The following SERPINE3 variants were observed in gnomAD, a reference collection of about 807,000 sequenced individuals.
SERPINE3 encodes the protein serpin family E member 3, also known as serpin E3.
Under a neutral mutation model 41.7 loss-of-function variants are expected in SERPINE3, and 43 were observed. The ratio of observed to expected loss-of-function variants is 1.03; its 90% CI spans 0.81 to 1.33. The LOEUF (loss-of-function observed/expected upper bound fraction) is 1.33, where lower values mean the gene tolerates loss of function less well. Among genes scored for constraint, SERPINE3 ranks in the 40% most tolerant of loss-of-function variants. The probability of loss-of-function intolerance (pLI) is 0.00; values close to 1 mark genes in which losing one functional copy is unlikely to be tolerated. For synonymous variants in SERPINE3, 200 were observed against 192.2 expected, an observed-to-expected ratio of 1.04 and a Z score of -0.34; for missense variants, 440 against 491.7, an observed-to-expected ratio of 0.89 and a Z score of 0.99.
In SERPINE3 at chr13:51,361,413, C is replaced by T. The variant is rs1473107417; in HGVS notation, c.1087+49C>T. On this transcript the variant is annotated intron_variant, in intron 8 of 9. Coordinates refer to ENST00000681248, the MANE Select transcript of SERPINE3 (RefSeq NM_001386375.1). ...ACACTGCTTACCCATATCTACCTTT[C>T]TGAAATTTACCTAGTTGAATCTTCA... 2.6e-6 allele frequency: 3 copies of T among 1,140,904 alleles called. No individual in the cohort carries two copies. The African/African-American group carries it at 4.6e-5, about 17-fold the overall frequency. 70.7% of individuals were successfully genotyped at this position (1,140,904 alleles called of 1,614,324 possible). A position where few individuals can be genotyped will look rare whatever the true frequency, so the allele number is the denominator to read the frequency against.
chr13:51,361,687 G>T, intron 8 of SERPINE3, 123 bp from the exon 9 acceptor site: 1 of 863,352 alleles, frequency 1.2e-6, no homozygotes, highest in Middle Eastern at 3.5e-4. Flanking sequence ...CATCACAACA[G>T]TAAACAATCA....
intron 7 of SERPINE3, among the ~76,000 whole-genome samples, chr13:51,356,888 T>C (rs1040616669): frequency 1.3e-4 from 20 of 152,142 alleles, no homozygotes; most frequent in African/African-American, 4.1e-4. Context: ...GCAATTATCA[T>C]GTGCCAAGTA....
Position 51,340,783 on chromosome 13 carries a change from G to A in SERPINE3, c.-95-1G>A. On this transcript the variant is annotated splice_acceptor_variant, in intron 1 of 9. Coordinates refer to ENST00000681248, the MANE Select transcript of SERPINE3 (RefSeq NM_001386375.1). LOFTEE classifies it low-confidence loss of function (5UTR_SPLICE). ...TAATGCTTTGCTTCTGATCTGACCAGGGCTTTGCTAAAGTCACACATCCAG... is the reference window on the plus strand; with the variant it reads ...TAATGCTTTGCTTCTGATCTGACCAAGGCTTTGCTAAAGTCACACATCCAG... The A allele has an allele frequency of 2.1e-6, 1 of 475,676 alleles. No homozygotes were observed. Among genetic ancestry groups the A allele is most frequent in the Non-Finnish European group, 3.8e-6 (1 of 261,998 alleles). The allele number at this position is 475,676 out of a possible 1,614,324, so 29.5% of individuals were successfully genotyped here. A position where few individuals can be genotyped will look rare whatever the true frequency, so the allele number is the denominator to read the frequency against.
chr13:51,363,339 T>C (rs1400108398), intron 9 of SERPINE3: 2 of 151,924 alleles, frequency 1.3e-5, no homozygotes, highest in African/African-American at 2.4e-5. Context: ...TGACTTTACC[T>C]CTATCTGGGA....
At chr13:51,355,632 C>T (rs886619092) in intron 7 of SERPINE3, among the ~76,000 whole-genome samples, 1 of 152,194 alleles carries the variant, frequency 6.6e-6, no homozygotes, top group Non-Finnish European at 1.5e-5. Context: ...CATACTCTTA[C>T]AACCTTGCCT....
At chr13:51,357,477 C>T (rs74729852) in intron 7 of SERPINE3, among the ~76,000 whole-genome samples, 3,052 of 152,260 alleles carry the variant, frequency 0.02, 50 homozygotes, top group East Asian at 0.071. Flanking sequence ...TTTTGTACTA[C>T]TGATGGAACT....
chr13:51,352,491 A>T (rs1024541399), intron 6 of SERPINE3, among the ~76,000 whole-genome samples: 1 of 150,548 alleles, frequency 6.6e-6, no homozygotes, highest in Admixed American at 6.6e-5. Context: ...GTGTGTGTGG[A>T]TTCTTTAGGG....
rs1593636608 is a variant in SERPINE3, at chr13:51,344,292, A to T, written c.297A>T (p.Thr99=). 6.2e-7 allele frequency: 1 copy of T among 1,613,904 alleles called. No individual in the cohort carries two copies. Among genetic ancestry groups the T allele is most frequent in the East Asian group, 2.2e-5 (1 of 44,870 alleles). The change falls in exon 4 of 10, where the codon ACA becomes ACT. Residue 99 remains threonine (T), a synonymous_variant. Transcript: ENST00000681248. ...ATTTCTTGCATGCTGTTTATGCCAC[A>T]CTACCCACCTCCAGCCAAGGCACCG... ...VKDFLHAVYA[T]LPTSSQGTEM...
chr13:51,351,592 C>T (rs1955403283), intron 6 of SERPINE3, among the ~76,000 whole-genome samples: 1 of 152,014 alleles, frequency 6.6e-6, no homozygotes, highest in African/African-American at 2.4e-5. Context: ...TTTCTTTTCA[C>T]TTCTCAATGG....
At chr13:51,344,534 AG>A (rs1482149888) in intron 4 of SERPINE3, 49 bp downstream of exon 4, 1 of 1,424,140 alleles carries the variant, frequency 7.0e-7, no homozygotes. Context: ...AGGGCTGCAG[AG>A]ACAGAGTCTC....
intron 4 of SERPINE3, among the ~76,000 whole-genome samples, chr13:51,345,364 G>A (rs1955335766): frequency 6.6e-6 from 1 of 152,136 alleles, no homozygotes; most frequent in African/African-American, 2.4e-5. Context: ...GGATGCCAAG[G>A]CGGGCAGATC....
chr13:51,358,255 T>G (rs1442316599), intron 7 of SERPINE3, among the ~76,000 whole-genome samples: 1 of 152,074 alleles, frequency 6.6e-6, no homozygotes, highest in Non-Finnish European at 1.5e-5. Flanking sequence ...CAATAACATT[T>G]TAAAAGCCAC....
In SERPINE3 at chr13:51,348,292, G is replaced by A. The variant is rs548142437; in HGVS notation, c.780G>A (p.Leu260=). ...TGGGAAGTGCAGTGAGTCTGTTCCT[G>A]GTGCTGCCCCGTGACAAAGACACCC... is the stretch of plus-strand genomic sequence containing the variant. The part of the protein sequence containing the change: ...PYLGSAVSLF[L]VLPRDKDTPL... Residue 260 remains leucine (L), a synonymous_variant, in exon 6 of 10, where the codon CTG becomes CTA. Coordinates refer to ENST00000681248, the MANE Select transcript of SERPINE3 (RefSeq NM_001386375.1). 3.7e-6 allele frequency: 6 copies of A among 1,612,046 alleles called. No homozygotes were observed. In the African/African-American group the frequency reaches 8.0e-5, roughly 21 times the overall value.
At chr13:51,343,247 T>C (rs1235538330) in intron 3 of SERPINE3, among the ~76,000 whole-genome samples, 4 of 152,106 alleles carry the variant, frequency 2.6e-5, no homozygotes, top group South Asian at 4.1e-4. Flanking sequence ...GGAGGGTTTG[T>C]AGATAACTGC....
chr13:51,349,425 C>T (rs181175482), intron 6 of SERPINE3, among the ~76,000 whole-genome samples: 2 of 152,132 alleles, frequency 1.3e-5, no homozygotes, highest in Admixed American at 1.3e-4. Flanking sequence ...AAACCAAAAC[C>T]CAAATACTGG....
At chr13:51,362,636 T>A (rs554569721) in intron 9 of SERPINE3, 1 of 152,512 alleles carries the variant, frequency 6.6e-6, no homozygotes, top group East Asian at 1.9e-4. Context: ...AGAACAAGAC[T>A]AATAAAATCA....
At chr13:51,356,116 T>C (rs1423680706) in intron 7 of SERPINE3, among the ~76,000 whole-genome samples, 2 of 151,954 alleles carry the variant, frequency 1.3e-5, no homozygotes, top group African/African-American at 2.4e-5. Flanking sequence ...AACACAGGAG[T>C]GAGAATCTAT....
chr13:51,361,200 A>G (rs1420773924), intron 7 of SERPINE3, 78 bp from the exon 8 acceptor site: 3 of 942,296 alleles, frequency 3.2e-6, no homozygotes, highest in Non-Finnish European at 5.0e-6. Flanking sequence ...TTGTAAGTAC[A>G]TTTTTAAAGA....
At position 51,361,833 on chromosome 13, in the gene SERPINE3, C is replaced by CG. The variant is rs752591802; in HGVS notation, c.1113dup (p.Ile372AspfsTer5). On this transcript the variant is annotated frameshift_variant, in exon 9 of 10. Coordinates refer to ENST00000681248, the MANE Select transcript of SERPINE3 (RefSeq NM_001386375.1). LOFTEE classifies it high-confidence loss of function. ...AGCTCTGTTGTTATTGAAAAGGTCTCGGATTCCTATTTTTAAAGCAGATCG... is the reference window on the plus strand; with the variant it reads ...AGCTCTGTTGTTATTGAAAAGGTCTCGGGATTCCTATTTTTAAAGCAGATCG... The CG allele has an allele frequency of 6.2e-7, 1 of 1,610,116 alleles. No individual in the cohort carries two copies. Among genetic ancestry groups the CG allele is most frequent in the African/African-American group, 1.3e-5 (1 of 74,752 alleles).
Sources: gnomAD v4.1 joint callset for allele counts (sites outside exome capture counted in the v4.1 genomes callset) on GRCh38, gnomAD v4.1.1 for gene constraint, MANE v1.5 for transcripts, NCBI Gene and HGNC (gene_info 2026-07-23, HGNC 2026-07-21) for gene names.